Variants in ZNF516 observed in about 807,000 individuals in gnomAD.
ZNF516 encodes zinc finger protein 516.
Under a neutral mutation model 79.7 loss-of-function variants are expected in ZNF516, and 19 were observed. That is an observed-to-expected ratio of 0.24 (90% CI 0.17 to 0.35). ZNF516 has a LOEUF of 0.35. Ranked by LOEUF, ZNF516 falls within the 10% of genes least tolerant of loss-of-function variation. The pLI, the probability that ZNF516 is intolerant of heterozygous loss-of-function variation, is 1.00. For synonymous variants in ZNF516, 877 were observed against 739.5 expected, an observed-to-expected ratio of 1.19 and a Z score of -3.02; for missense variants, 1,678 against 1,679.5, an observed-to-expected ratio of 1.00 and a Z score of 0.02.
intron 2 of ZNF516, among the ~76,000 whole-genome samples, chr18:76,453,621 A>C (rs1912550292): frequency 6.6e-6 from 1 of 152,210 alleles, no homozygotes; most frequent in Non-Finnish European, 1.5e-5. Context: ...GCAAGAACCC[A>C]ATTTAGAAGT....
At chr18:76,389,978 G>A (rs749117480) in intron 3 of ZNF516, among the ~76,000 whole-genome samples, 5 of 152,120 alleles carry the variant, frequency 3.3e-5, no homozygotes, top group East Asian at 3.9e-4. Flanking sequence ...TATGTCTCCC[G>A]GTTCACGCTT....
In ZNF516 at chr18:76,465,449, G is replaced by C. The variant is rs748123346; in HGVS notation, c.-271-2308C>G. 2.0e-5 allele frequency among the ~76,000 whole-genome samples: 3 copies of C among 152,348 alleles called. No individual in the cohort carries two copies. The South Asian group carries it at 6.2e-4, about 32-fold the overall frequency. On this transcript the variant is annotated intron_variant, in intron 1 of 6. Coordinates refer to ENST00000443185, the MANE Select transcript of ZNF516 (RefSeq NM_014643.4). ...GGGCCAAGGGGGCCAATCTGTGTCT[G>C]AGAAAGGCTGACCCTGCGGCGTCCT...
intron 4 of ZNF516, 37 bp from the exon 5 acceptor site, chr18:76,371,608 G>A (rs1468763342): frequency 6.3e-7 from 1 of 1,579,550 alleles, no homozygotes; most frequent in East Asian, 2.3e-5. Context: ...CAGGGCCGTG[G>A]TGGGGTTGGC....
intron 1 of ZNF516, chr18:76,490,806 C>A (rs1292189191): frequency 4.1e-6 from 4 of 985,348 alleles, no homozygotes; most frequent in Admixed American, 1.2e-4. Flanking sequence ...GACGAGCGGA[C>A]CGGAGGGTCC....
intron 3 of ZNF516, chr18:76,387,612 T>TAA (rs1412059726): frequency 3.9e-5 from 6 of 152,280 alleles, no homozygotes; most frequent in African/African-American, 1.4e-4. Context: ...AGAGGATTAC[T>TAA]AAGCTGGTAA....
chr18:76,449,758 T>C (rs1912280167), intron 2 of ZNF516, among the ~76,000 whole-genome samples: 1 of 152,242 alleles, frequency 6.6e-6, no homozygotes, highest in Admixed American at 6.5e-5. Context: ...GCAAAGGTAC[T>C]TGGTCACTGG....
chr18:76,376,105 T>C (rs2074783489), intron 4 of ZNF516, among the ~76,000 whole-genome samples: 1 of 152,226 alleles, frequency 6.6e-6, no homozygotes, highest in African/African-American at 2.4e-5. Flanking sequence ...CTTAAAGAAC[T>C]ATGACATAGA....
At chr18:76,382,568 A>G (rs563621186) in intron 3 of ZNF516, among the ~76,000 whole-genome samples, 1 of 152,230 alleles carries the variant, frequency 6.6e-6, no homozygotes, top group Admixed American at 6.5e-5. Context: ...ATAAAACATC[A>G]CCTAGAACTT....
chr18:76,425,716 T>C (rs2075584014), intron 3 of ZNF516, among the ~76,000 whole-genome samples: 1 of 152,226 alleles, frequency 6.6e-6, no homozygotes, highest in African/African-American at 2.4e-5. Context: ...ACCTGAACTC[T>C]TACCAGACCT....
chr18:76,490,742 T>C, intron 1 of ZNF516: 1 of 984,370 alleles, frequency 1.0e-6, no homozygotes, highest in Non-Finnish European at 1.2e-6. Flanking sequence ...CTGCTGTATG[T>C]GTAAGTAGGA....
intron 2 of ZNF516, among the ~76,000 whole-genome samples, chr18:76,460,115 C>T (rs747108492): frequency 1.3e-4 from 20 of 152,202 alleles, no homozygotes; most frequent in Non-Finnish European, 2.4e-4. Flanking sequence ...CAGCAAGGGG[C>T]GACACTCACC....
chr18:76,389,031 T>TA (rs1190299933), intron 3 of ZNF516: 1 of 152,258 alleles, frequency 6.6e-6, no homozygotes, highest in African/African-American at 2.4e-5. Context: ...AACCAAGTAA[T>TA]ACGAGAATGA....
intron 3 of ZNF516, among the ~76,000 whole-genome samples, chr18:76,384,858 T>C (rs1277164825): frequency 6.6e-6 from 1 of 152,104 alleles, no homozygotes; most frequent in East Asian, 1.9e-4. Flanking sequence ...TTATTAGAAT[T>C]GAAGGAAAGA....
intron 3 of ZNF516, among the ~76,000 whole-genome samples, chr18:76,409,241 A>G (rs1320228682): frequency 1.3e-5 from 2 of 152,250 alleles, no homozygotes; most frequent in Non-Finnish European, 2.9e-5. Context: ...ACATTTATAG[A>G]AACTCTATTT....
intron 1 of ZNF516, among the ~76,000 whole-genome samples, chr18:76,466,155 T>C (rs2054683958): frequency 6.6e-6 from 1 of 151,788 alleles, no homozygotes; most frequent in Admixed American, 6.6e-5. Flanking sequence ...CCCTTAGGAG[T>C]GACGTTAATT....
intron 3 of ZNF516, among the ~76,000 whole-genome samples, chr18:76,428,549 C>T (rs1043024271): frequency 1.3e-5 from 2 of 152,208 alleles, no homozygotes; most frequent in African/African-American, 2.4e-5. Context: ...TCACCCTGAA[C>T]TCCCAAAGAG....
At chr18:76,405,278 G>C (rs1456031042) in intron 3 of ZNF516, among the ~76,000 whole-genome samples, 2 of 152,170 alleles carry the variant, frequency 1.3e-5, no homozygotes, top group African/African-American at 4.8e-5. Flanking sequence ...GCCCAGGCTG[G>C]AGTGCAGTGG....
intron 2 of ZNF516, 113 bp from the exon 3 acceptor site, chr18:76,443,324 A>G: frequency 2.2e-6 from 1 of 453,212 alleles, no homozygotes; most frequent in Non-Finnish European, 3.9e-6. Context: ...CACATTAAGA[A>G]AAGCGGCACC....
chr18:76,383,011 G>T (rs532475481), intron 3 of ZNF516, among the ~76,000 whole-genome samples: 9 of 148,466 alleles, frequency 6.1e-5, no homozygotes, highest in African/African-American at 2.3e-4. Context: ...ACTCCAGCCT[G>T]GGCAACAGAG....
Sources: gnomAD v4.1 joint callset for allele counts (sites outside exome capture counted in the v4.1 genomes callset) on GRCh38, gnomAD v4.1.1 for gene constraint, MANE v1.5 for transcripts, NCBI Gene and HGNC (gene_info 2026-07-23, HGNC 2026-07-21) for gene names.